ITGA1: variants seen among roughly 807,000 people sequenced by gnomAD.
The protein encoded by ITGA1 is integrin alpha-1.
In ITGA1, 85 loss-of-function variants were observed where a neutral mutation model predicts 145.9. That is an observed-to-expected ratio of 0.58 (90% CI 0.49 to 0.70). ITGA1 has a LOEUF of 0.70. Ranked by LOEUF, ITGA1 falls within the 30% of genes least tolerant of loss-of-function variation. The pLI, the probability that ITGA1 is intolerant of heterozygous loss-of-function variation, is 0.00. For synonymous variants in ITGA1, 520 were observed against 495.3 expected (o/e 1.05, Z -0.66); for missense variants, 1,351 against 1,418.7 (o/e 0.95, Z 0.77).
At chr5:52,872,460 T>C (rs1749791880) in intron 6 of ITGA1, among the ~76,000 whole-genome samples, 3 of 151,802 alleles carry the variant, frequency 2.0e-5, no homozygotes, top group Admixed American at 6.6e-5. Context: ...AACAAATAAC[T>C]CTTCTTGTTG....
rs1051101585 is a variant in ITGA1, at chr5:52,958,157, C to T, written c.*5706C>T. ...AGAATAGCTGTGCAGAAGGGGACCA[C>T]CACACTTAGGACCAGTGCCAGGTGA... On this transcript the variant is annotated 3_prime_UTR_variant, in exon 29 of 29. Transcript: ENST00000282588. The T allele has an allele frequency of 1.3e-5, 2 of 152,114 alleles. No individual in the cohort carries two copies. The highest frequency in any genetic ancestry group is 2.4e-5 in the African/African-American group (1 of 41,422). The allele number at this position is 152,114 out of a possible 1,614,324, so 9.4% of individuals were successfully genotyped here.
chr5:52,803,124 C>T (rs1258869969), intron 1 of ITGA1: 3 of 152,110 alleles, frequency 2.0e-5, no homozygotes, highest in African/African-American at 2.4e-5. Context: ...AAACTTTCGC[C>T]GGTCTTTCCT....
At chr5:52,834,002 T>A (rs894890774) in intron 1 of ITGA1, among the ~76,000 whole-genome samples, 1 of 152,188 alleles carries the variant, frequency 6.6e-6, no homozygotes, top group African/African-American at 2.4e-5. Context: ...ATTAAACACA[T>A]CATCTACCAA....
Position 52,925,489 on chromosome 5 carries a change from T to C in ITGA1, c.2613+2T>C. 6.2e-7 allele frequency: 1 copy of C among 1,602,034 alleles called. No homozygotes were observed. The highest frequency in any genetic ancestry group is 8.6e-7 in the Non-Finnish European group (1 of 1,169,294). On this transcript the variant is annotated splice_donor_variant, in intron 19 of 28. Coordinates refer to ENST00000282588, the MANE Select transcript of ITGA1 (RefSeq NM_181501.2). LOFTEE classifies it high-confidence loss of function. ...AATCTAGTTTTTTCAGGAATTGAGG[T>C]AAACTTCCAGTTTTTCATTTATTTG...
chr5:52,788,233 TG>T lies in ITGA1; in HGVS notation c.-117del. ...TCCCGCTCCTGGGCGCCGCTGCCAC[TG>T]GGGCAGAGGACTGGGAACCGCGGCA... On this transcript the variant is annotated 5_prime_UTR_variant, in exon 1 of 29. Coordinates refer to ENST00000282588, the MANE Select transcript of ITGA1 (RefSeq NM_181501.2). The T allele has an allele frequency of 1.5e-6, 1 of 682,982 alleles. No individual in the cohort carries two copies. Among genetic ancestry groups the T allele is most frequent in the Non-Finnish European group, 2.2e-6 (1 of 449,756 alleles). 42.3% of individuals were successfully genotyped at this position (682,982 alleles called of 1,614,324 possible).
At chr5:52,934,039 G>A (rs1750930453) in intron 23 of ITGA1, 43 bp downstream of exon 23, 1 of 755,310 alleles carries the variant, frequency 1.3e-6, no homozygotes, top group East Asian at 3.2e-5. Context: ...GGAGTTATTT[G>A]TAAATATATA....
chr5:52,914,077 T>A (rs1412251062), intron 14 of ITGA1, among the ~76,000 whole-genome samples: 2 of 152,222 alleles, frequency 1.3e-5, no homozygotes, highest in Non-Finnish European at 2.9e-5. Flanking sequence ...GAAAGCTAAA[T>A]CATTGTCAGA....
chr5:52,809,823 T>A (rs1392219163), intron 1 of ITGA1, among the ~76,000 whole-genome samples: 3 of 152,124 alleles, frequency 2.0e-5, no homozygotes, highest in Non-Finnish European at 4.4e-5. Context: ...TTTGGTAATA[T>A]TTTTCTTCTA....
At chr5:52,919,302 G>T in intron 16 of ITGA1, among the ~76,000 whole-genome samples, 1 of 152,086 alleles carries the variant, frequency 6.6e-6, no homozygotes, top group South Asian at 2.1e-4. Flanking sequence ...TCTTGGGAAA[G>T]ACTGATATTG....
intron 1 of ITGA1, among the ~76,000 whole-genome samples, chr5:52,808,796 A>G (rs928349056): frequency 6.7e-6 from 1 of 149,642 alleles, no homozygotes; most frequent in Non-Finnish European, 1.5e-5. Flanking sequence ...AACTTTATAT[A>G]TCATCGGACC....
chr5:52,916,054 C>T (rs2452869), intron 15 of ITGA1, among the ~76,000 whole-genome samples: 69,743 of 151,994 alleles, frequency 0.46, 16,863 homozygotes, highest in Non-Finnish European at 0.53. Context: ...GTAATATCTT[C>T]GCTCAGCCTT....
intron 28 of ITGA1, among the ~76,000 whole-genome samples, chr5:52,949,391 C>T (rs1004212057): frequency 4.6e-5 from 7 of 152,198 alleles, no homozygotes; most frequent in African/African-American, 1.7e-4. Context: ...AAACCACTGA[C>T]TATTATCACT....
chr5:52,884,137 G>T (rs1243406539), intron 7 of ITGA1, among the ~76,000 whole-genome samples: 1 of 152,116 alleles, frequency 6.6e-6, no homozygotes, highest in African/African-American at 2.4e-5. Context: ...ACCTTTGTTT[G>T]TATACTTTAA....
intron 15 of ITGA1, among the ~76,000 whole-genome samples, chr5:52,917,238 C>T (rs1210797773): frequency 6.6e-6 from 1 of 152,200 alleles, no homozygotes; most frequent in East Asian, 1.9e-4. Flanking sequence ...ATCCATATTA[C>T]TAAGCAGGAA....
chr5:52,831,986 G>A (rs927125947), intron 1 of ITGA1, among the ~76,000 whole-genome samples: 1 of 152,062 alleles, frequency 6.6e-6, no homozygotes, highest in African/African-American at 2.4e-5. Flanking sequence ...TAGCTCTGTT[G>A]CCTCATTCTT....
intron 2 of ITGA1, among the ~76,000 whole-genome samples, chr5:52,855,681 T>C (rs1000536563): frequency 2.0e-5 from 3 of 152,142 alleles, no homozygotes; most frequent in African/African-American, 7.2e-5. Flanking sequence ...GAGAGTGGAT[T>C]GAGAATGCTG....
At chr5:52,814,379 C>A (rs1463391845) in intron 1 of ITGA1, among the ~76,000 whole-genome samples, 4 of 152,118 alleles carry the variant, frequency 2.6e-5, no homozygotes, top group Admixed American at 2.6e-4. Context: ...CTCAGGTGAT[C>A]TGCCTACCCC....
chr5:52,924,162 T>C (rs952430590), intron 18 of ITGA1, among the ~76,000 whole-genome samples: 7 of 152,306 alleles, frequency 4.6e-5, no homozygotes, highest in South Asian at 4.1e-4. Flanking sequence ...CCTTCCTTCC[T>C]ACCAGATATA....
intron 1 of ITGA1, among the ~76,000 whole-genome samples, chr5:52,807,182 C>G (rs374153239): frequency 2.0e-5 from 3 of 152,158 alleles, no homozygotes; most frequent in African/African-American, 7.2e-5. Context: ...AATACTGAGG[C>G]AAGAGCAGTA....
Sources: allele counts gnomAD v4.1 joint callset (sites outside exome capture counted in the v4.1 genomes callset), GRCh38; gene constraint gnomAD v4.1.1; transcripts MANE v1.5; gene names NCBI Gene and HGNC (gene_info 2026-07-23, HGNC 2026-07-21).